The following SPECC1 variants were observed in gnomAD, a reference collection of about 807,000 sequenced individuals.
SPECC1 encodes sperm antigen with calponin homology and coiled-coil domains 1.
A neutral mutation model predicts 104.1 loss-of-function variants in SPECC1; 62 were observed. The observed-to-expected ratio is 0.60, with a 90% CI of 0.49 to 0.74. The LOEUF is 0.74. SPECC1 is among the 30% of genes least tolerant of loss of function. SPECC1 has a pLI of 0.00. For synonymous variants in SPECC1, 513 were observed against 501.6 expected (o/e 1.02, Z -0.30); for missense variants, 1,306 against 1,310.5 (o/e 1.00, Z 0.05).
chr17:20,242,514 C>T lies in SPECC1; in HGVS notation c.2352-3412C>T, dbSNP rs868432608. ...CAACTGTTGTTCTCTAGTATCTGGC[C>T]TGCAACTGTTGTTCTCTAGTATGGG... On this transcript the variant is annotated intron_variant, in intron 7 of 14. Coordinates refer to ENST00000395527, the MANE Select transcript of SPECC1 (RefSeq NM_001243439.2). Among the ~76,000 whole-genome samples, 32 of 151,404 alleles carry T rather than the reference C, an allele frequency of 2.1e-4. No individual in the cohort carries two copies. The Middle Eastern group carries it at 0.024, about 113-fold the overall frequency.
At chr17:20,062,120 G>T (rs1011904076) in intron 1 of SPECC1, among the ~76,000 whole-genome samples, 1 of 151,908 alleles carries the variant, frequency 6.6e-6, no homozygotes, top group Non-Finnish European at 1.5e-5. Flanking sequence ...AGGCATGGCG[G>T]TGGGCACCTG....
chr17:20,194,502 A>ATTATTATTTTTTTTTTTTTTTTTTT lies in SPECC1; in HGVS notation c.284-9829_284-9828insATTATTTTTTTTTTTTTTTTTTTTT. ...TGTGTTCTGTTAGAAAAGAGAACGA[A>ATTATTATTTTTTTTTTTTTTTTTTT]TTTTTTTTTTTTTTTTTTTTTTTGA... On this transcript the variant is annotated intron_variant, in intron 3 of 14. Coordinates refer to ENST00000395527, the MANE Select transcript of SPECC1 (RefSeq NM_001243439.2). Among the ~76,000 whole-genome samples, 86 of 86,536 alleles carry ATTATTATTTTTTTTTTTTTTTTTTT rather than the reference A, an allele frequency of 9.9e-4. 8 individuals carry two copies. Among genetic ancestry groups the ATTATTATTTTTTTTTTTTTTTTTTT allele is most frequent in the African/African-American group, 3.8e-3 (71 of 18,738 alleles). 56.8% of individuals were successfully genotyped at this position (86,536 alleles called of 152,430 possible). A position where few individuals can be genotyped will look rare whatever the true frequency, so the allele number is the denominator to read the frequency against.
chr17:20,111,682 G>A, intron 3 of SPECC1: 1 of 591,262 alleles, frequency 1.7e-6, no homozygotes, highest in Non-Finnish European at 3.1e-6. Context: ...TGTGTGTGGT[G>A]TGTCCCCAAA....
At chr17:20,111,761 G>A in intron 3 of SPECC1, 1 of 742,840 alleles carries the variant, frequency 1.3e-6, no homozygotes, top group Non-Finnish European at 2.5e-6. Context: ...AGGAGAAAAA[G>A]GTGGGAGGAG....
chr17:20,239,319 C>T (rs1451494850), intron 7 of SPECC1: 5 of 1,006,766 alleles, frequency 5.0e-6, no homozygotes, highest in Non-Finnish European at 1.2e-6. Context: ...TCCCTCAGTA[C>T]CACCTGTGAG....
intron 1 of SPECC1, among the ~76,000 whole-genome samples, chr17:20,086,172 C>T (rs575729655): frequency 6.6e-6 from 1 of 152,216 alleles, no homozygotes; most frequent in African/African-American, 2.4e-5. Flanking sequence ...GCCTTGTTGC[C>T]CTGTGGCTGT....
intron 1 of SPECC1, chr17:20,017,883 C>G (rs906086455): frequency 1.3e-5 from 2 of 152,166 alleles, no homozygotes; most frequent in African/African-American, 2.4e-5. Flanking sequence ...GGTTTGTGTT[C>G]TGTTGATTCA....
At chr17:20,192,632 A>G (rs2035749423) in intron 3 of SPECC1, among the ~76,000 whole-genome samples, 1 of 151,154 alleles carries the variant, frequency 6.6e-6, no homozygotes, top group Admixed American at 6.6e-5. Flanking sequence ...CTTTTTGCCC[A>G]CTCTCTCTGC....
chr17:20,125,285 G>A (rs1277971493), intron 3 of SPECC1, among the ~76,000 whole-genome samples: 1 of 152,220 alleles, frequency 6.6e-6, no homozygotes, highest in Non-Finnish European at 1.5e-5. Context: ...GGCACTTGAA[G>A]TACAGCTTCT....
chr17:20,127,124 G>T (rs1171583218), intron 3 of SPECC1, among the ~76,000 whole-genome samples: 2 of 152,158 alleles, frequency 1.3e-5, no homozygotes, highest in East Asian at 3.8e-4. Context: ...TCTTTAGTCT[G>T]ATTTCTGTGC....
At chr17:20,184,522 T>C (rs2035130063) in intron 3 of SPECC1, among the ~76,000 whole-genome samples, 1 of 152,214 alleles carries the variant, frequency 6.6e-6, no homozygotes, top group Non-Finnish European at 1.5e-5. Flanking sequence ...AGTTTAGTGA[T>C]TAAAAGTATG....
chr17:20,297,246 G>A (rs931760410), intron 13 of SPECC1, among the ~76,000 whole-genome samples, 169 bp downstream of exon 13: 1 of 152,194 alleles, frequency 6.6e-6, no homozygotes, highest in Non-Finnish European at 1.5e-5. Flanking sequence ...CCCATCCTCA[G>A]CAAATCTTCC....
At chr17:20,272,767 T>A (rs1463838907) in intron 12 of SPECC1, among the ~76,000 whole-genome samples, 1 of 152,242 alleles carries the variant, frequency 6.6e-6, no homozygotes, top group African/African-American at 2.4e-5. Flanking sequence ...GCTATCATAT[T>A]TTTAACTTCT....
intron 1 of SPECC1, among the ~76,000 whole-genome samples, chr17:20,088,674 G>A (rs1036516406): frequency 6.6e-6 from 1 of 152,208 alleles, no homozygotes; most frequent in Non-Finnish European, 1.5e-5. Flanking sequence ...AGTCCTGTTT[G>A]GCTACGCTGC....
rs1364768042 is a variant in SPECC1, at chr17:20,316,259, T to G, written c.*2194T>G. ...AGTAGTTGAGTTGAGCTGTTGGTTG[T>G]TAGATTTAAGCTGGAATTAGTCCAG... On this transcript the variant is annotated 3_prime_UTR_variant, in exon 15 of 15. Coordinates refer to ENST00000395527, the MANE Select transcript of SPECC1 (RefSeq NM_001243439.2). The G allele has an allele frequency of 4.3e-6, 1 of 231,726 alleles. No homozygotes were observed. The highest frequency in any genetic ancestry group is 8.5e-6 in the Non-Finnish European group (1 of 117,188). 14.4% of individuals were successfully genotyped at this position (231,726 alleles called of 1,614,324 possible).
At chr17:20,112,557 G>T in intron 3 of SPECC1, 1 of 790,700 alleles carries the variant, frequency 1.3e-6, no homozygotes, top group Non-Finnish European at 2.3e-6. Flanking sequence ...GCCAGTTTAA[G>T]CCGCTGCAGT....
At chr17:20,116,949 C>T (rs1313563228) in intron 3 of SPECC1, among the ~76,000 whole-genome samples, 4 of 151,044 alleles carry the variant, frequency 2.6e-5, no homozygotes, top group African/African-American at 9.7e-5. Flanking sequence ...CCAAAAATGT[C>T]AACAGTACTG....
chr17:20,288,395 C>A (rs1034069623), intron 12 of SPECC1, among the ~76,000 whole-genome samples: 1 of 151,534 alleles, frequency 6.6e-6, no homozygotes, highest in Admixed American at 6.6e-5. Flanking sequence ...GAAAAAAAAA[C>A]AACATCCCCA....
rs2042069814 is a variant in SPECC1 at position 20,318,767 on chromosome 17, C to T, written c.*4702C>T. On this transcript the variant is annotated 3_prime_UTR_variant, in exon 15 of 15. Coordinates refer to ENST00000395527, the MANE Select transcript of SPECC1 (RefSeq NM_001243439.2). ...TTGCCTCAATTCACGGGGCATTTCACTCCTCTGATCCAGGTTAGAATTTTG... is the reference window on the plus strand; with the variant it reads ...TTGCCTCAATTCACGGGGCATTTCATTCCTCTGATCCAGGTTAGAATTTTG... 1 of 217,486 alleles carries T rather than the reference C, an allele frequency of 4.6e-6. No individual in the cohort carries two copies. Among genetic ancestry groups the T allele is most frequent in the Non-Finnish European group, 9.2e-6 (1 of 108,172 alleles). The allele number at this position is 217,486 out of a possible 1,614,324, so 13.5% of individuals were successfully genotyped here.
Sources: allele counts gnomAD v4.1 joint callset (sites outside exome capture counted in the v4.1 genomes callset), GRCh38; gene constraint gnomAD v4.1.1; transcripts MANE v1.5; gene names NCBI Gene and HGNC (gene_info 2026-07-23, HGNC 2026-07-21).